Variants in TOP2B observed in about 807,000 individuals in gnomAD.
The protein encoded by TOP2B is DNA topoisomerase II beta, also known as DNA topoisomerase 2-beta.
Under a neutral mutation model 193.5 loss-of-function variants are expected in TOP2B, and 51 were observed. That is an observed-to-expected ratio of 0.26 (90% confidence interval 0.21 to 0.33). The LOEUF is 0.33. Among genes scored for constraint, TOP2B ranks in the 10% least tolerant of loss-of-function variants. The pLI is 1.00. For synonymous variants in TOP2B, 634 were observed against 635.7 expected (o/e 1.00, Z 0.04); for missense variants, 1,378 against 1,909.3 (o/e 0.72, Z 5.19).
chr3:25,659,936 C>T (rs1703860204), intron 1 of TOP2B, among the ~76,000 whole-genome samples: 2 of 152,202 alleles, frequency 1.3e-5, no homozygotes, highest in African/African-American at 4.8e-5. Context: ...CCGTTTCCTT[C>T]TCTGCAAATA....
rs1360871654 is a variant in TOP2B at position 25,626,680 on chromosome 3, A to G, written c.2110-6T>C. 3 of 1,512,936 alleles carry G rather than the reference A, an allele frequency of 2.0e-6. No individual in the cohort carries two copies. Among genetic ancestry groups the G allele is most frequent in the Non-Finnish European group, 2.7e-6 (3 of 1,123,696 alleles). 93.7% of individuals were successfully genotyped at this position (1,512,936 alleles called of 1,614,324 possible). On this transcript the variant is annotated splice_region_variant and splice_polypyrimidine_tract_variant and intron_variant, in intron 17 of 35. Transcript: ENST00000264331. ...GCAGTACCATATAAAAATTGCTAAG[A>G]GAAAAGTTATATAGCAATATTATCA...
intron 1 of TOP2B, among the ~76,000 whole-genome samples, chr3:25,652,584 A>G (rs1287974151): frequency 6.6e-6 from 1 of 152,240 alleles, no homozygotes; most frequent in Non-Finnish European, 1.5e-5. Flanking sequence ...CCAATGGGTG[A>G]GAGATGAAAT....
intron 1 of TOP2B, among the ~76,000 whole-genome samples, chr3:25,656,798 A>C (rs1160059345): frequency 6.6e-6 from 1 of 152,190 alleles, no homozygotes; most frequent in Admixed American, 6.5e-5. Context: ...AATACATGCC[A>C]CTTTTATCTT....
In TOP2B at chr3:25,632,675, A is replaced by T; in HGVS notation, c.1128+18T>A. 2 of 1,609,350 alleles carry T rather than the reference A, an allele frequency of 1.2e-6. No homozygotes were observed. Among genetic ancestry groups the T allele is most frequent in the Non-Finnish European group, 1.7e-6 (2 of 1,175,950 alleles). Reference sequence around the variant, plus strand: ...TGCATATGTATGCATCATGTACAATATATAACACATCCCTTACTTGAAATG... The same window carrying T: ...TGCATATGTATGCATCATGTACAATTTATAACACATCCCTTACTTGAAATG... On this transcript the variant is annotated intron_variant, in intron 9 of 35. Coordinates refer to ENST00000264331, the MANE Select transcript of TOP2B (RefSeq NM_001330700.2).
At chr3:25,627,830 G>A (rs1417925900) in intron 15 of TOP2B, among the ~76,000 whole-genome samples, 2 of 151,682 alleles carry the variant, frequency 1.3e-5, no homozygotes, top group Non-Finnish European at 2.9e-5. Context: ...AGCACTTTGG[G>A]AGGCTGAGGT....
rs1702227397 is a variant in TOP2B, at chr3:25,605,948, G to A, written c.4378+95C>T. On this transcript the variant is annotated intron_variant, in intron 32 of 35. Transcript: ENST00000264331. ...AAGTTTTCTACTCATTAAAAATTCT[G>A]AAGTTAAATCATGACCTAACGATTT... is the stretch of plus-strand genomic sequence containing the variant. The A allele has an allele frequency of 1.5e-5, 10 of 646,850 alleles. No individual in the cohort carries two copies. The South Asian group carries it at 4.1e-4, about 26-fold the overall frequency. 40.1% of individuals were successfully genotyped at this position (646,850 alleles called of 1,614,324 possible).
chr3:25,604,566 TTTAAAA>T (rs1702186967), intron 33 of TOP2B, among the ~76,000 whole-genome samples, 188 bp downstream of exon 33: 1 of 152,224 alleles, frequency 6.6e-6, no homozygotes, highest in Admixed American at 6.5e-5. Flanking sequence ...TTACAACAGC[TTTAAAA>T]TTAAGTCTTA....
intron 21 of TOP2B, among the ~76,000 whole-genome samples, chr3:25,621,523 A>T (rs1333548200): frequency 6.6e-6 from 1 of 152,000 alleles, no homozygotes; most frequent in Non-Finnish European, 1.5e-5. Flanking sequence ...CACCATGTCC[A>T]GCTAATTTTT....
At chr3:25,654,122 A>G (rs1183937403) in intron 1 of TOP2B, among the ~76,000 whole-genome samples, 1 of 152,188 alleles carries the variant, frequency 6.6e-6, no homozygotes, top group African/African-American at 2.4e-5. Flanking sequence ...TTAAGACAAG[A>G]AAAGGAAATA....
chr3:25,628,186 A>T (rs1702859289), intron 15 of TOP2B, among the ~76,000 whole-genome samples: 3 of 149,542 alleles, frequency 2.0e-5, no homozygotes, highest in Non-Finnish European at 4.5e-5. Flanking sequence ...AAAAAAAAAA[A>T]AAAAGGGAGC....
At chr3:25,604,657 G>T in intron 33 of TOP2B, 103 bp downstream of exon 33, 1 of 961,142 alleles carries the variant, frequency 1.0e-6, no homozygotes, top group Non-Finnish European at 1.6e-6. Context: ...CTTCTTAATT[G>T]TTTTATGATA....
chr3:25,615,280 C>T lies in TOP2B; in HGVS notation c.3516G>A (p.Glu1172=), dbSNP rs753649466. The T allele has an allele frequency of 1.2e-5, 20 of 1,609,208 alleles. No homozygotes were observed. The highest frequency in any genetic ancestry group is 7.8e-5 in the South Asian group (7 of 90,034). ...GAGATTTTCTTTTAAGATCATTGAC[C>T]TCTCGCCCCTATAATAAAAAAGTAC... The part of the protein sequence containing the change: ...LIKQRDAKGR[E]VNDLKRKSPS... The change falls in exon 27 of 36, where the codon GAG becomes GAA. Residue 1172 remains glutamate, a synonymous_variant. Coordinates refer to ENST00000264331, the MANE Select transcript of TOP2B (RefSeq NM_001330700.2).
At chr3:25,654,891 G>A (rs1219878346) in intron 1 of TOP2B, among the ~76,000 whole-genome samples, 1 of 152,112 alleles carries the variant, frequency 6.6e-6, no homozygotes, top group Non-Finnish European at 1.5e-5. Flanking sequence ...GGACTCTCAT[G>A]CCACATACAA....
In TOP2B at chr3:25,659,249, T is replaced by C. The variant is rs904360930; in HGVS notation, c.69+4980A>G. ...GGCCATGTTATCTACCCACCATTAA[T>C]GAAGCAAAAAGCAACAAACTGTCCC... On this transcript the variant is annotated intron_variant, in intron 1 of 35. Transcript: ENST00000264331. Among the ~76,000 whole-genome samples, 5 of 151,996 alleles carry C rather than the reference T, an allele frequency of 3.3e-5. No individual in the cohort carries two copies. The East Asian group carries it at 9.6e-4, about 29-fold the overall frequency.
chr3:25,603,984 A>AC (rs1702174671), intron 33 of TOP2B, among the ~76,000 whole-genome samples: 1 of 152,238 alleles, frequency 6.6e-6, no homozygotes, highest in South Asian at 2.1e-4. Flanking sequence ...TGGGTAGGTC[A>AC]CCCAGTGTGT....
intron 20 of TOP2B, among the ~76,000 whole-genome samples, chr3:25,624,038 C>T (rs1016578037): frequency 6.6e-6 from 1 of 152,112 alleles, no homozygotes; most frequent in African/African-American, 2.4e-5. Flanking sequence ...AAATAAAGTA[C>T]ATAACCCATC....
chr3:25,608,171 T>G (rs1194034908), intron 30 of TOP2B, among the ~76,000 whole-genome samples: 1 of 152,198 alleles, frequency 6.6e-6, no homozygotes, highest in Non-Finnish European at 1.5e-5. Context: ...ACAGTAATTT[T>G]TTAGATGAAT....
intron 4 of TOP2B, among the ~76,000 whole-genome samples, chr3:25,639,460 A>G (rs115802056): frequency 0.035 from 5,329 of 152,270 alleles, 119 homozygotes; most frequent in Middle Eastern, 0.054. Flanking sequence ...GAAGCACGCC[A>G]CCACGACTGG....
intron 4 of TOP2B, among the ~76,000 whole-genome samples, chr3:25,641,357 G>A (rs1043361772): frequency 2.6e-5 from 4 of 152,036 alleles, no homozygotes; most frequent in African/African-American, 9.7e-5. Flanking sequence ...AATAAATGAA[G>A]GGAGATATGG....
Sources: gnomAD v4.1 joint callset for allele counts (sites outside exome capture counted in the v4.1 genomes callset) on GRCh38, gnomAD v4.1.1 for gene constraint, MANE v1.5 for transcripts, NCBI Gene and HGNC (gene_info 2026-07-23, HGNC 2026-07-21) for gene names.